MAP1LC3B2: variants seen among roughly 807,000 people sequenced by gnomAD.
MAP1LC3B2 encodes the protein microtubule associated protein 1 light chain 3 beta 2.
For synonymous variants in MAP1LC3B2, 62 were observed against 57.8 expected, an observed-to-expected ratio of 1.07 and a Z score of -0.33; for missense variants, 155 against 154.6, an observed-to-expected ratio of 1.00 and a Z score of -0.01.
chr12:116,573,471 C>T lies in MAP1LC3B2; in HGVS notation c.-101-2371C>T, dbSNP rs1484251091. Among the ~76,000 whole-genome samples the T allele has an allele frequency of 3.3e-5, 5 of 152,122 alleles. No homozygotes were observed. In the East Asian group the frequency reaches 5.8e-4, roughly 18 times the overall value. On this transcript the variant is annotated intron_variant, in intron 1 of 1. Coordinates refer to ENST00000556529, the MANE Select transcript of MAP1LC3B2 (RefSeq NM_001085481.3). ...GCATAAACAAATAAAAGATTTGCAA[C>T]TATATAATTCATAAAGGATTAATAT...
chr12:116,564,784 A>G (rs1391818083), intron 1 of MAP1LC3B2, among the ~76,000 whole-genome samples: 1 of 152,168 alleles, frequency 6.6e-6, no homozygotes, highest in Middle Eastern at 3.4e-3. Context: ...ACCTCCATAT[A>G]TTATAATCTC....
intron 1 of MAP1LC3B2, among the ~76,000 whole-genome samples, chr12:116,570,889 C>T (rs1869511426): frequency 1.3e-5 from 2 of 152,206 alleles, no homozygotes; most frequent in South Asian, 4.1e-4. Context: ...TGTAAGGCAA[C>T]TGATCACTTG....
chr12:116,571,798 G>C (rs900250009), intron 1 of MAP1LC3B2, among the ~76,000 whole-genome samples: 5 of 151,784 alleles, frequency 3.3e-5, no homozygotes, highest in Admixed American at 2.0e-4. Flanking sequence ...GCTATTCTTA[G>C]GGACGTTATT....
chr12:116,565,117 C>G (rs556012938), intron 1 of MAP1LC3B2, among the ~76,000 whole-genome samples: 2 of 152,118 alleles, frequency 1.3e-5, no homozygotes, highest in Non-Finnish European at 2.9e-5. Flanking sequence ...ATTGGAAGGG[C>G]CTAGGGGAAT....
Position 116,576,499 on chromosome 12 carries a change from G to C in MAP1LC3B2, c.*179G>C. The C allele has an allele frequency of 1.4e-6, 1 of 712,588 alleles. No individual in the cohort carries two copies. Among genetic ancestry groups the C allele is most frequent in the Non-Finnish European group, 2.3e-6 (1 of 433,158 alleles). The allele number at this position is 712,588 out of a possible 1,614,324, so 44.1% of individuals were successfully genotyped here. On this transcript the variant is annotated 3_prime_UTR_variant, in exon 2 of 2. Transcript: ENST00000556529. ...TTCAAGCAGAAAAACTGAGCTCCAA[G>C]TGAGCACATTCAGCTTTGGAAACTA...
At chr12:116,567,800 G>A (rs4766793) in intron 1 of MAP1LC3B2, among the ~76,000 whole-genome samples, 8,028 of 151,876 alleles carry the variant, frequency 0.053, 816 homozygotes, top group Admixed American at 0.26. Context: ...TAAGGGTTTC[G>A]GTTGCCAGGA....
At chr12:116,569,533 C>T (rs908632822) in intron 1 of MAP1LC3B2, among the ~76,000 whole-genome samples, 2 of 152,194 alleles carry the variant, frequency 1.3e-5, no homozygotes, top group African/African-American at 2.4e-5. Context: ...ATAACTTGTT[C>T]ATCTCTATTT....
chr12:116,573,152 G>C (rs1566025094), intron 1 of MAP1LC3B2, among the ~76,000 whole-genome samples: 1 of 152,156 alleles, frequency 6.6e-6, no homozygotes. Context: ...TCAAACTTCT[G>C]ATCTTAGGTG....
At chr12:116,571,590 C>T (rs1299426664) in intron 1 of MAP1LC3B2, among the ~76,000 whole-genome samples, 1 of 148,630 alleles carries the variant, frequency 6.7e-6, no homozygotes, top group Non-Finnish European at 1.5e-5. Flanking sequence ...ATGCCATTCT[C>T]CTGCCTCAGC....
intron 1 of MAP1LC3B2, among the ~76,000 whole-genome samples, chr12:116,562,807 G>A (rs1869305102): frequency 6.6e-6 from 1 of 152,064 alleles, no homozygotes; most frequent in South Asian, 2.1e-4. Flanking sequence ...AAAACACCTA[G>A]AAAGTCTGAC....
At chr12:116,560,226 A>ATATGTATGTATATG in intron 1 of MAP1LC3B2, 1 of 101,098 alleles carries the variant, frequency 9.9e-6, no homozygotes, top group African/African-American at 4.0e-5. Context: ...ATATATATAT[A>ATATGTATGTATATG]TATATATATA....
chr12:116,567,597 A>T (rs1869422299), intron 1 of MAP1LC3B2, among the ~76,000 whole-genome samples: 1 of 151,852 alleles, frequency 6.6e-6, no homozygotes, highest in Non-Finnish European at 1.5e-5. Context: ...AAAATACAAA[A>T]ATCAGCCAGG....
rs61487254 is a variant in MAP1LC3B2 at position 116,560,821 on chromosome 12, T to TAA, written c.-102+1400_-102+1401dup. 1.9e-3 allele frequency among the ~76,000 whole-genome samples: 275 copies of TAA among 144,442 alleles called. 2 individuals carry two copies. Among genetic ancestry groups the TAA allele is most frequent in the South Asian group, 0.01 (47 of 4,548 alleles). 94.8% of individuals were successfully genotyped at this position (144,442 alleles called of 152,430 possible). A position where few individuals can be genotyped will look rare whatever the true frequency, so the allele number is the denominator to read the frequency against. ...GGAGACCCTGTTTCTACAAATAGTT[T>TAA]AAAAAAAAAAAAAGGCTGGGCATAG... On this transcript the variant is annotated intron_variant, in intron 1 of 1. Coordinates refer to ENST00000556529, the MANE Select transcript of MAP1LC3B2 (RefSeq NM_001085481.3).
chr12:116,560,025 T>C (rs1003157872), intron 1 of MAP1LC3B2: 2 of 146,454 alleles, frequency 1.4e-5, no homozygotes, highest in African/African-American at 2.5e-5. Flanking sequence ...GCAGAAAACC[T>C]CAAAACAAAA....
chr12:116,560,322 C>T (rs1869238581), intron 1 of MAP1LC3B2, among the ~76,000 whole-genome samples: 1 of 150,804 alleles, frequency 6.6e-6, no homozygotes, highest in Non-Finnish European at 1.5e-5. Context: ...GCTCTCGGCT[C>T]GCTGCAACCT....
chr12:116,576,575 A>G lies in MAP1LC3B2; in HGVS notation c.*255A>G, dbSNP rs1472379533. 1 of 423,736 alleles carries G rather than the reference A, an allele frequency of 2.4e-6. No individual in the cohort carries two copies. Among genetic ancestry groups the G allele is most frequent in the African/African-American group, 2.1e-5 (1 of 48,060 alleles). 26.2% of individuals were successfully genotyped at this position (423,736 alleles called of 1,614,324 possible). Reference sequence around the variant, plus strand: ...TTTCAAATTTTAAAAGTTTAAAAATAAAATACTTTGCATTCTAAAAAAAAA... The same window carrying G: ...TTTCAAATTTTAAAAGTTTAAAAATGAAATACTTTGCATTCTAAAAAAAAA... On this transcript the variant is annotated 3_prime_UTR_variant, in exon 2 of 2. Coordinates refer to ENST00000556529, the MANE Select transcript of MAP1LC3B2 (RefSeq NM_001085481.3).
At chr12:116,560,237 TATATG>T (rs1869234721) in intron 1 of MAP1LC3B2, among the ~76,000 whole-genome samples, 1 of 124,512 alleles carries the variant, frequency 8.0e-6, no homozygotes. Flanking sequence ...TATATATATA[TATATG>T]TATGTATATG....
chr12:116,568,414 CT>C (rs1363797898), intron 1 of MAP1LC3B2, among the ~76,000 whole-genome samples: 1 of 152,188 alleles, frequency 6.6e-6, no homozygotes. Flanking sequence ...CCTCATAGCA[CT>C]TTTTAAAATC....
intron 1 of MAP1LC3B2, among the ~76,000 whole-genome samples, chr12:116,573,139 T>C (rs1254196288): frequency 1.3e-5 from 2 of 152,190 alleles, no homozygotes; most frequent in African/African-American, 4.8e-5. Context: ...GTCCAGGCTG[T>C]TCTCAAACTT....
Sources: allele counts gnomAD v4.1 joint callset (sites outside exome capture counted in the v4.1 genomes callset), GRCh38; gene constraint gnomAD v4.1.1; transcripts MANE v1.5; gene names NCBI Gene and HGNC (gene_info 2026-07-23, HGNC 2026-07-21).